Variants in ZNF385D observed in about 807,000 individuals in gnomAD.
ZNF385D encodes the protein zinc finger protein 659.
A neutral mutation model predicts 35.8 loss-of-function variants in ZNF385D; 15 were observed. The observed-to-expected ratio is 0.42, with a 90% CI of 0.28 to 0.64. The LOEUF is 0.64. ZNF385D is among the 30% of genes least tolerant of loss of function. ZNF385D has a pLI of 0.23. For missense variants in ZNF385D, 474 were observed against 494.6 expected (o/e 0.96, Z 0.39); for synonymous variants, 212 against 186.8 (o/e 1.13, Z -1.10).
chr3:22,343,524 G>C (rs1178502683), intron 2 of ZNF385D, among the ~76,000 whole-genome samples: 4 of 152,214 alleles, frequency 2.6e-5, no homozygotes, highest in Non-Finnish European at 5.9e-5. Flanking sequence ...TTGTCCAGTG[G>C]CAGCAGTGTC....
At chr3:21,655,925 A>T (rs2066057533) in intron 2 of ZNF385D, among the ~76,000 whole-genome samples, 1 of 152,064 alleles carries the variant, frequency 6.6e-6, no homozygotes, top group Admixed American at 6.6e-5. Context: ...AATAATGGGT[A>T]TAAAAATGTT....
chr3:21,598,216 T>C (rs1317017186), intron 2 of ZNF385D, among the ~76,000 whole-genome samples: 1 of 152,166 alleles, frequency 6.6e-6, no homozygotes, highest in East Asian at 1.9e-4. Flanking sequence ...ATACTTAGCT[T>C]GATACATACA....
intron 6 of ZNF385D, among the ~76,000 whole-genome samples, 186 bp from the exon 7 acceptor site, chr3:21,424,250 CATAT>C (rs1382419670): frequency 2.0e-5 from 2 of 102,526 alleles, no homozygotes; most frequent in Non-Finnish European, 4.1e-5. Context: ...TTATGCTATC[CATAT>C]ATATATTCAT....
At chr3:21,954,875 T>C (rs1432720760) in intron 3 of ZNF385D, among the ~76,000 whole-genome samples, 1 of 152,048 alleles carries the variant, frequency 6.6e-6, no homozygotes, top group Non-Finnish European at 1.5e-5. Flanking sequence ...TACAAAAATA[T>C]GACATAATGA....
chr3:21,530,727 G>C (rs546247888), intron 3 of ZNF385D, among the ~76,000 whole-genome samples: 3 of 152,186 alleles, frequency 2.0e-5, no homozygotes, highest in African/African-American at 7.2e-5. Flanking sequence ...GAGACTACAG[G>C]ATGCAAAATC....
chr3:22,130,371 G>C (rs1703705376), intron 3 of ZNF385D, among the ~76,000 whole-genome samples: 1 of 152,074 alleles, frequency 6.6e-6, no homozygotes. Context: ...ACCTTCCCCA[G>C]GAATTAATTA....
intron 2 of ZNF385D, among the ~76,000 whole-genome samples, chr3:21,629,072 A>T (rs2065210635): frequency 6.6e-6 from 1 of 152,122 alleles, no homozygotes; most frequent in Admixed American, 6.6e-5. Flanking sequence ...TGGTTGGCTA[A>T]AATGCAGAGG....
At chr3:21,977,611 G>C (rs1356067681) in intron 3 of ZNF385D, among the ~76,000 whole-genome samples, 1 of 152,014 alleles carries the variant, frequency 6.6e-6, no homozygotes, top group African/African-American at 2.4e-5. Context: ...TTGAGGACAG[G>C]AGCTAGAGAT....
chr3:22,120,038 C>A (rs1703008291), intron 3 of ZNF385D, among the ~76,000 whole-genome samples: 2 of 149,608 alleles, frequency 1.3e-5, no homozygotes, highest in Non-Finnish European at 3.0e-5. Flanking sequence ...CTATCTTGAC[C>A]AGATTAGTCT....
At chr3:21,998,251 C>G (rs1445626051) in intron 3 of ZNF385D, among the ~76,000 whole-genome samples, 1 of 152,118 alleles carries the variant, frequency 6.6e-6, no homozygotes, top group African/African-American at 2.4e-5. Flanking sequence ...GAGTGCTACT[C>G]TGCCTATGTG....
intron 3 of ZNF385D, among the ~76,000 whole-genome samples, chr3:21,534,385 C>T (rs1007317349): frequency 2.0e-5 from 3 of 152,146 alleles, no homozygotes; most frequent in Middle Eastern, 3.4e-3. Context: ...CTGTAGCTGA[C>T]TTAATATAAT....
chr3:21,717,114 G>A (rs774205205), intron 1 of ZNF385D, among the ~76,000 whole-genome samples: 23 of 152,006 alleles, frequency 1.5e-4, no homozygotes, highest in African/African-American at 4.1e-4. Flanking sequence ...ACCTGGCAAC[G>A]ACAATAACAA....
At chr3:22,182,837 T>C (rs1559434774) in intron 2 of ZNF385D, among the ~76,000 whole-genome samples, 1 of 152,220 alleles carries the variant, frequency 6.6e-6, no homozygotes, top group East Asian at 1.9e-4. Flanking sequence ...TAATTATACA[T>C]ATACAATAGA....
chr3:21,442,886 AGTGTGT>A (rs4045435), intron 4 of ZNF385D, among the ~76,000 whole-genome samples: 7 of 147,166 alleles, frequency 4.8e-5, no homozygotes, highest in Non-Finnish European at 7.5e-5. Context: ...TCTGTGTATA[AGTGTGT>A]GTGTGTGTGT....
rs527420136 is a variant in ZNF385D at position 22,365,490 on chromosome 3, A to C, written c.106+6960T>G. Among the ~76,000 whole-genome samples, 4 of 152,216 alleles carry C rather than the reference A, an allele frequency of 2.6e-5. No individual in the cohort carries two copies. The East Asian group carries it at 7.7e-4, about 29-fold the overall frequency. The stretch of plus-strand genomic sequence containing the variant: ...CGACGAGATGTTTATCTTTCTAAAA[A>C]AAATTTTTTTTTGTTTGCAAACAAA... On this transcript the variant is annotated intron_variant, in intron 2 of 5. Coordinates refer to the ZNF385D transcript ENST00000494108.
chr3:21,615,209 T>C (rs77986175), intron 2 of ZNF385D, among the ~76,000 whole-genome samples: 3,107 of 152,140 alleles, frequency 0.02, 54 homozygotes, highest in Non-Finnish European at 0.033. Flanking sequence ...TGAGACCTGG[T>C]TGTTAAAAAG....
chr3:21,714,002 C>T (rs2068218363), intron 1 of ZNF385D, among the ~76,000 whole-genome samples: 2 of 152,252 alleles, frequency 1.3e-5, no homozygotes, highest in African/African-American at 4.8e-5. Context: ...TTTGGTCAAT[C>T]AATATAATAA....
intron 3 of ZNF385D, among the ~76,000 whole-genome samples, chr3:21,529,526 A>G (rs1433332113): frequency 6.6e-6 from 1 of 152,154 alleles, no homozygotes; most frequent in Non-Finnish European, 1.5e-5. Context: ...TACTTTCAGG[A>G]GACCCAAAGA....
intron 3 of ZNF385D, among the ~76,000 whole-genome samples, chr3:21,989,030 C>G (rs1224791464): frequency 1.3e-5 from 2 of 152,182 alleles, no homozygotes; most frequent in Non-Finnish European, 2.9e-5. Flanking sequence ...GGTGCGCGCA[C>G]CCACTGGCCT....
Sources: gnomAD v4.1 joint callset for allele counts (sites outside exome capture counted in the v4.1 genomes callset) on GRCh38, gnomAD v4.1.1 for gene constraint, MANE v1.5 for transcripts, NCBI Gene and HGNC (gene_info 2026-07-23, HGNC 2026-07-21) for gene names.